The following CACNB2 variants were observed in gnomAD, a reference collection of about 807,000 sequenced individuals.
CACNB2 encodes voltage-dependent L-type calcium channel subunit beta-2.
In CACNB2, 42 loss-of-function variants were observed where a neutral mutation model predicts 73.3. The ratio of observed to expected loss-of-function variants is 0.57; its 90% CI spans 0.45 to 0.74. The LOEUF is 0.74. Among genes scored for constraint, CACNB2 ranks in the 30% least tolerant of loss-of-function variants. The probability of loss-of-function intolerance (pLI) is 0.00; values close to 1 mark genes in which losing one functional copy is unlikely to be tolerated. For missense variants in CACNB2, 940 were observed against 853.0 expected, an observed-to-expected ratio of 1.10 and a Z score of -1.27; for synonymous variants, 348 against 310.3, an observed-to-expected ratio of 1.12 and a Z score of -1.28.
chr10:18,477,245 A>G (rs1454470117), intron 3 of CACNB2, among the ~76,000 whole-genome samples: 1 of 152,278 alleles, frequency 6.6e-6, no homozygotes, highest in South Asian at 2.1e-4. Context: ...GAAGACGACC[A>G]GAGATCACTT....
intron 2 of CACNB2, chr10:18,257,440 G>A (rs2037330183): frequency 6.6e-6 from 1 of 152,248 alleles, no homozygotes; most frequent in South Asian, 2.1e-4. Context: ...ACTGAATCTG[G>A]TGGAGAACTG....
At chr10:18,403,050 G>A (rs2044091673) in intron 3 of CACNB2, among the ~76,000 whole-genome samples, 1 of 152,150 alleles carries the variant, frequency 6.6e-6, no homozygotes, top group Non-Finnish European at 1.5e-5. Flanking sequence ...TGCCATCATA[G>A]TCTACTGAGG....
intron 9 of CACNB2, among the ~76,000 whole-genome samples, chr10:18,526,328 T>C (rs1313320607): frequency 6.6e-6 from 1 of 152,198 alleles, no homozygotes; most frequent in Non-Finnish European, 1.5e-5. Context: ...TTCTTTTCCA[T>C]CCAGTATTCC....
intron 1 of CACNB2, among the ~76,000 whole-genome samples, chr10:18,146,142 C>A (rs1043785789): frequency 2.0e-5 from 3 of 152,086 alleles, no homozygotes; most frequent in African/African-American, 7.2e-5. Context: ...AAGGATCTTA[C>A]CCTTAGCTTA....
chr10:18,281,389 A>G (rs1337746582), intron 2 of CACNB2, among the ~76,000 whole-genome samples: 1 of 152,230 alleles, frequency 6.6e-6, no homozygotes, highest in Non-Finnish European at 1.5e-5. Context: ...GGAAACAACA[A>G]TGAAAGTCAA....
chr10:18,386,387 C>T (rs1313154068), intron 2 of CACNB2, among the ~76,000 whole-genome samples: 2 of 136,128 alleles, frequency 1.5e-5, no homozygotes, highest in African/African-American at 2.7e-5. Context: ...TACTGTTGCT[C>T]TTTTATTTAT....
intron 2 of CACNB2, among the ~76,000 whole-genome samples, chr10:18,315,500 A>T (rs1269741338): frequency 1.4e-4 from 5 of 35,856 alleles, no homozygotes; most frequent in East Asian, 1.4e-3. Context: ...GTCTCTATTT[A>T]AAAAAAAAAA....
intron 2 of CACNB2, among the ~76,000 whole-genome samples, chr10:18,288,969 C>T (rs1377086614): frequency 6.6e-6 from 1 of 152,094 alleles, no homozygotes; most frequent in Non-Finnish European, 1.5e-5. Flanking sequence ...TGCTTTAACC[C>T]AGGAGGCAGA....
At chr10:18,362,745 C>T (rs1183212462) in intron 2 of CACNB2, among the ~76,000 whole-genome samples, 1 of 151,994 alleles carries the variant, frequency 6.6e-6, no homozygotes. Context: ...GGTGAAAACC[C>T]GTCTCTACCA....
rs531027492 is a variant in CACNB2 at position 18,376,807 on chromosome 10, G to A, written c.214-25117G>A. Among the ~76,000 whole-genome samples, 7 of 152,256 alleles carry A rather than the reference G, an allele frequency of 4.6e-5. No homozygotes were observed. In the East Asian group the frequency reaches 1.4e-3, roughly 29 times the overall value. ...GGGCTAGCATGTCCCCGGTCAGGGA[G>A]GAGTTTGGAATGTTTCTGCTGGGAG... On this transcript the variant is annotated intron_variant, in intron 2 of 13. Coordinates refer to ENST00000324631, the MANE Select transcript of CACNB2 (RefSeq NM_201596.3).
chr10:18,382,759 T>A (rs2043070848), intron 2 of CACNB2, among the ~76,000 whole-genome samples: 3 of 152,250 alleles, frequency 2.0e-5, no homozygotes, highest in Non-Finnish European at 2.9e-5. Context: ...ATGATGTATA[T>A]GTACCACCTT....
chr10:18,442,404 C>T (rs2132955175), intron 3 of CACNB2, among the ~76,000 whole-genome samples: 1 of 152,088 alleles, frequency 6.6e-6, no homozygotes, highest in Non-Finnish European at 1.5e-5. Context: ...CCCACCTCGG[C>T]CTCCCAAAGC....
intron 2 of CACNB2, among the ~76,000 whole-genome samples, chr10:18,300,841 T>G (rs918565601): frequency 7.0e-6 from 1 of 142,596 alleles, no homozygotes; most frequent in Admixed American, 7.4e-5. Flanking sequence ...AGAGCGAGAT[T>G]CCATCTCAAA....
At chr10:18,484,131 C>T (rs1349403376) in intron 3 of CACNB2, among the ~76,000 whole-genome samples, 4 of 152,198 alleles carry the variant, frequency 2.6e-5, no homozygotes, top group Non-Finnish European at 5.9e-5. Flanking sequence ...CAGTGGCTCA[C>T]ACTTGTAATC....
chr10:18,478,881 C>A (rs1245269389), intron 3 of CACNB2, among the ~76,000 whole-genome samples: 1 of 152,104 alleles, frequency 6.6e-6, no homozygotes, highest in African/African-American at 2.4e-5. Flanking sequence ...TGGGCAGATA[C>A]AGCCTTTGCT....
chr10:18,437,598 C>A (rs2046201993), intron 3 of CACNB2, among the ~76,000 whole-genome samples: 2 of 152,202 alleles, frequency 1.3e-5, no homozygotes, highest in South Asian at 4.1e-4. Flanking sequence ...AAAATTCAAT[C>A]ACGTGGGCCA....
At chr10:18,499,811 A>C (rs890880267) in intron 4 of CACNB2, among the ~76,000 whole-genome samples, 20 of 150,396 alleles carry the variant, frequency 1.3e-4, no homozygotes, top group African/African-American at 3.9e-4. Flanking sequence ...TCTCTAAAAA[A>C]AAAAAAAAAA....
chr10:18,502,808 G>A lies in CACNB2; in HGVS notation c.593+1860G>A, dbSNP rs545282609. Among the ~76,000 whole-genome samples, 5 of 151,864 alleles carry A rather than the reference G, an allele frequency of 3.3e-5. No individual in the cohort carries two copies. In the South Asian group the frequency reaches 6.2e-4, roughly 19 times the overall value. On this transcript the variant is annotated intron_variant, in intron 5 of 13. Transcript: ENST00000324631. The stretch of plus-strand genomic sequence containing the variant: ...ACATAAGACACTGGGGACTACTTGA[G>A]GGTGGAGGATGGGAGGAGGGTGAGG...
chr10:18,292,371 A>T (rs1306948808), intron 2 of CACNB2, among the ~76,000 whole-genome samples: 1 of 152,200 alleles, frequency 6.6e-6, no homozygotes, highest in Non-Finnish European at 1.5e-5. Flanking sequence ...ATATTGTTTC[A>T]AGGTGGCTGG....
Sources: gnomAD v4.1 joint callset for allele counts (sites outside exome capture counted in the v4.1 genomes callset) on GRCh38, gnomAD v4.1.1 for gene constraint, MANE v1.5 for transcripts, NCBI Gene and HGNC (gene_info 2026-07-23, HGNC 2026-07-21) for gene names.